ITGA9: variants seen among roughly 807,000 people sequenced by gnomAD.
The protein encoded by ITGA9 is integrin alpha-9.
ITGA9 carries 56 observed loss-of-function variants against 127.8 expected under a neutral mutation model. The ratio of observed to expected loss-of-function variants is 0.44; its 90% confidence interval spans 0.35 to 0.55. The LOEUF (loss-of-function observed/expected upper bound fraction) is 0.55. Ranked by LOEUF, ITGA9 falls within the 20% of genes least tolerant of loss-of-function variation. ITGA9 has a pLI of 0.00. For missense variants in ITGA9, 1,196 were observed against 1,347.1 expected (o/e 0.89, Z 1.76); for synonymous variants, 508 against 514.5 (o/e 0.99, Z 0.17).
At chr3:37,787,252 A>G (rs1469003906) in intron 26 of ITGA9, among the ~76,000 whole-genome samples, 2 of 151,846 alleles carry the variant, frequency 1.3e-5, no homozygotes, top group East Asian at 1.9e-4. Flanking sequence ...GAAATAGCTA[A>G]CAGGTTTTCT....
At chr3:37,685,552 T>C (rs1176572437) in intron 18 of ITGA9, among the ~76,000 whole-genome samples, 1 of 152,158 alleles carries the variant, frequency 6.6e-6, no homozygotes, top group Non-Finnish European at 1.5e-5. Context: ...GCCATCTCCC[T>C]GTGCAGGGTG....
rs984568796 is a variant in ITGA9 at position 37,814,428 on chromosome 3, G to A, written c.3010-4463G>A. Among the ~76,000 whole-genome samples the A allele has an allele frequency of 2.4e-4, 37 of 152,186 alleles. No homozygotes were observed. The highest frequency in any genetic ancestry group is 9.2e-4 in the Admixed American group (14 of 15,272). On this transcript the variant is annotated intron_variant, in intron 27 of 27. Coordinates refer to ENST00000264741, the MANE Select transcript of ITGA9 (RefSeq NM_002207.3). This position sits in a 1 kb window ranked among gnomAD's most constrained non-coding sequence, Gnocchi z 4.3. ...CAAAATATAAAAATTAGCCAGGCCTGGTGGTGCAGACCTGTAATTCCAGCT... is the reference window on the plus strand; with the variant it reads ...CAAAATATAAAAATTAGCCAGGCCTAGTGGTGCAGACCTGTAATTCCAGCT...
chr3:37,723,608 TG>T (rs1701214837), intron 18 of ITGA9, among the ~76,000 whole-genome samples: 1 of 152,216 alleles, frequency 6.6e-6, no homozygotes, highest in Admixed American at 6.5e-5. Flanking sequence ...GTGATCCACC[TG>T]CCTTGGCCTC....
At chr3:37,464,130 T>TGTGTGCGC (rs1553640579) in intron 1 of ITGA9, among the ~76,000 whole-genome samples, 233 of 151,018 alleles carry the variant, frequency 1.5e-3, no homozygotes, top group African/African-American at 4.9e-3. Flanking sequence ...TGTGTGTGTG[T>TGTGTGCGC]GTGTGTGTGT....
chr3:37,717,057 T>C (rs952414445), intron 18 of ITGA9, among the ~76,000 whole-genome samples: 1 of 152,218 alleles, frequency 6.6e-6, no homozygotes, highest in African/African-American at 2.4e-5. Flanking sequence ...CTCCTTCCTG[T>C]CCTCGTGGGC....
intron 18 of ITGA9, among the ~76,000 whole-genome samples, chr3:37,727,248 A>G (rs1696222853): frequency 6.6e-6 from 1 of 152,238 alleles, no homozygotes; most frequent in Non-Finnish European, 1.5e-5. Flanking sequence ...AATCTTAAGT[A>G]GAACCATCAT....
chr3:37,469,367 C>T (rs1255936021), intron 1 of ITGA9, among the ~76,000 whole-genome samples: 1 of 152,126 alleles, frequency 6.6e-6, no homozygotes, highest in Non-Finnish European at 1.5e-5. Flanking sequence ...TCCTATTTGC[C>T]CCTAAATGTC....
chr3:37,808,053 G>T (rs1371994631), intron 27 of ITGA9: 2 of 152,296 alleles, frequency 1.3e-5, no homozygotes, highest in Non-Finnish European at 1.5e-5. Flanking sequence ...CCCAGCAGAA[G>T]GAAGGTCAAC....
chr3:37,640,425 G>C (rs771487020), intron 16 of ITGA9, among the ~76,000 whole-genome samples: 4 of 152,122 alleles, frequency 2.6e-5, no homozygotes, highest in Non-Finnish European at 5.9e-5. Flanking sequence ...TGTCTGCAAG[G>C]AAACGGGGCC....
chr3:37,496,154 G>A (rs1393349947), intron 5 of ITGA9, among the ~76,000 whole-genome samples: 2 of 152,146 alleles, frequency 1.3e-5, no homozygotes, highest in African/African-American at 4.8e-5. Flanking sequence ...AGAGAACATA[G>A]ACAGTTGGCA....
Position 37,748,615 on chromosome 3 carries a change from C to T in ITGA9, c.2434-1847C>T, listed in dbSNP as rs533643491. 4.9e-4 allele frequency: 242 copies of T among 494,798 alleles called. 3 individuals are homozygous for T. Among genetic ancestry groups the T allele is most frequent in the Admixed American group, 2.3e-3 (71 of 30,534 alleles). The allele number at this position is 494,798 out of a possible 1,614,324, so 30.7% of individuals were successfully genotyped here. ...TACAAAAATTAGCCGGGGATGGTGG[C>T]AGCCACCTGTAATCCCAGCTACTCA... On this transcript the variant is annotated intron_variant, in intron 22 of 27. Coordinates refer to ENST00000264741, the MANE Select transcript of ITGA9 (RefSeq NM_002207.3).
intron 16 of ITGA9, among the ~76,000 whole-genome samples, chr3:37,631,697 C>T (rs1432563849): frequency 3.3e-5 from 5 of 152,132 alleles, no homozygotes; most frequent in Admixed American, 6.5e-5. Context: ...GAAGCTGCAG[C>T]CACAGCCAGG....
intron 25 of ITGA9, among the ~76,000 whole-genome samples, chr3:37,783,359 A>G (rs1326849302): frequency 2.0e-5 from 3 of 152,226 alleles, no homozygotes; most frequent in Admixed American, 2.0e-4. Context: ...AAATATTTTT[A>G]GAGACAGGAT....
intron 18 of ITGA9, among the ~76,000 whole-genome samples, chr3:37,693,939 C>T (rs146262097): frequency 5.8e-4 from 89 of 152,326 alleles, no homozygotes; most frequent in African/African-American, 2.0e-3. Flanking sequence ...TGTTTATAGT[C>T]ATCTTGGCCT....
At chr3:37,655,684 G>A (rs931221357) in intron 17 of ITGA9, among the ~76,000 whole-genome samples, 83 of 152,280 alleles carry the variant, frequency 5.5e-4, no homozygotes, top group African/African-American at 1.9e-3. Flanking sequence ...CTGTGCAGAA[G>A]CTCTTTAGTT....
At chr3:37,488,111 T>A (rs559818755) in intron 4 of ITGA9, among the ~76,000 whole-genome samples, 1 of 152,328 alleles carries the variant, frequency 6.6e-6, no homozygotes, top group Admixed American at 6.5e-5. Context: ...AGTCTTTTTA[T>A]TTTTATTTTT....
Position 37,756,168 on chromosome 3 carries a change from A to G in ITGA9, c.2541+5599A>G, listed in dbSNP as rs1489909798. On this transcript the variant is annotated intron_variant, in intron 23 of 27. Coordinates refer to ENST00000264741, the MANE Select transcript of ITGA9 (RefSeq NM_002207.3). ...CAGAATGTAAGGCATTCAAAAAAAA[A>G]AGGCAAATATTAACCCAAAGAAATA... 1.4e-4 allele frequency among the ~76,000 whole-genome samples: 21 copies of G among 152,130 alleles called. 1 individual carries two copies. The East Asian group carries it at 3.7e-3, about 27-fold the overall frequency.
At chr3:37,625,363 G>A (rs1700166750) in intron 15 of ITGA9, among the ~76,000 whole-genome samples, 1 of 152,176 alleles carries the variant, frequency 6.6e-6, no homozygotes, top group Admixed American at 6.5e-5. Context: ...CATAAAGTAA[G>A]CACCCAATAA....
At chr3:37,660,932 A>C (rs780913880) in intron 17 of ITGA9, among the ~76,000 whole-genome samples, 11 of 152,228 alleles carry the variant, frequency 7.2e-5, no homozygotes, top group Non-Finnish European at 1.2e-4. Context: ...CAGAGGTACA[A>C]GAAGGCATGC....
Sources: allele counts gnomAD v4.1 joint callset (sites outside exome capture counted in the v4.1 genomes callset), GRCh38; gene constraint gnomAD v4.1.1; non-coding constraint Gnocchi (gnomAD v3.1); transcripts MANE v1.5; gene names NCBI Gene and HGNC (gene_info 2026-07-23, HGNC 2026-07-21).